Variants in STXBP5L observed in about 807,000 individuals in gnomAD.
STXBP5L encodes the protein syntaxin-binding protein 5-like.
A neutral mutation model predicts 144.5 loss-of-function variants in STXBP5L; 65 were observed. The observed-to-expected ratio is 0.45, with a 90% confidence interval of 0.37 to 0.55. STXBP5L has a LOEUF of 0.55. STXBP5L is among the 20% of genes least tolerant of loss of function. STXBP5L has a pLI of 0.00. For missense variants in STXBP5L, 1,298 were observed against 1,405.5 expected (o/e 0.92, Z 1.22); for synonymous variants, 505 against 469.6 (o/e 1.08, Z -0.97).
At chr3:121,197,085 G>A (rs956326459) in intron 9 of STXBP5L, among the ~76,000 whole-genome samples, 3 of 151,858 alleles carry the variant, frequency 2.0e-5, no homozygotes, top group Non-Finnish European at 4.4e-5. Flanking sequence ...GGAGTTTTTA[G>A]TATGTTATAT....
intron 20 of STXBP5L, among the ~76,000 whole-genome samples, chr3:121,349,333 C>T (rs201048285): frequency 1.3e-5 from 2 of 151,706 alleles, no homozygotes; most frequent in Non-Finnish European, 2.9e-5. Flanking sequence ...CAGTTTGTTA[C>T]AATTTCTGTT....
chr3:121,265,398 A>T (rs2050528405), intron 18 of STXBP5L, among the ~76,000 whole-genome samples: 1 of 152,214 alleles, frequency 6.6e-6, no homozygotes, highest in Non-Finnish European at 1.5e-5. Flanking sequence ...AAATTAACAC[A>T]GAAATAAATA....
chr3:121,081,709 C>T (rs569358336), intron 5 of STXBP5L, among the ~76,000 whole-genome samples: 1 of 152,174 alleles, frequency 6.6e-6, no homozygotes, highest in Non-Finnish European at 1.5e-5. Flanking sequence ...CCTGGCTAGG[C>T]ACTGGTTGTA....
At chr3:121,414,390 A>G (rs1236390510) in intron 24 of STXBP5L, among the ~76,000 whole-genome samples, 3 of 152,146 alleles carry the variant, frequency 2.0e-5, no homozygotes, top group Non-Finnish European at 4.4e-5. Flanking sequence ...GCTTTTTAAA[A>G]ATTTTGTGAC....
intron 7 of STXBP5L, among the ~76,000 whole-genome samples, chr3:121,144,275 A>G (rs755121233): frequency 6.6e-5 from 10 of 151,768 alleles, no homozygotes; most frequent in Non-Finnish European, 1.3e-4. Context: ...TTGGTATACT[A>G]TTGAACTTAA....
At chr3:120,991,937 T>G (rs910605578) in intron 3 of STXBP5L, among the ~76,000 whole-genome samples, 12 of 152,324 alleles carry the variant, frequency 7.9e-5, no homozygotes, top group Admixed American at 3.3e-4. Context: ...GTTGTGCAGA[T>G]GTACCCTAAA....
At chr3:120,991,870 G>C (rs9851456) in intron 3 of STXBP5L, among the ~76,000 whole-genome samples, 14,812 of 151,636 alleles carry the variant, frequency 0.098, 1,146 homozygotes, top group Admixed American at 0.2. Context: ...TAAATGACGA[G>C]TTAATGGGTG....
At chr3:121,344,521 A>G (rs1193452432) in intron 20 of STXBP5L, among the ~76,000 whole-genome samples, 1 of 152,132 alleles carries the variant, frequency 6.6e-6, no homozygotes, top group Non-Finnish European at 1.5e-5. Context: ...CCATGGTTAA[A>G]GGACAGGTGC....
intron 5 of STXBP5L, among the ~76,000 whole-genome samples, chr3:121,081,242 T>G (rs951467944): frequency 5.3e-5 from 8 of 152,156 alleles, no homozygotes. Flanking sequence ...TGGAAAATTT[T>G]TTATCCATAT....
chr3:121,353,094 T>G lies in STXBP5L; in HGVS notation c.2177-25622T>G, dbSNP rs1179557676. On this transcript the variant is annotated intron_variant, in intron 20 of 26. Transcript: ENST00000471454. ...CTGGATTCGGTTTGCCAGTATTTTA[T>G]TGAGGATTTTTGCATCCATGTTCGT... 1.3e-5 allele frequency among the ~76,000 whole-genome samples: 2 copies of G among 152,366 alleles called. 1 individual carries two copies. Among genetic ancestry groups the G allele is most frequent in the East Asian group, 3.8e-4 (2 of 5,196 alleles).
At chr3:120,966,291 A>G (rs1223995764) in intron 3 of STXBP5L, among the ~76,000 whole-genome samples, 1 of 152,156 alleles carries the variant, frequency 6.6e-6, no homozygotes, top group African/African-American at 2.4e-5. Flanking sequence ...TCAACTTGTC[A>G]AAGTCATTCT....
intron 2 of STXBP5L, among the ~76,000 whole-genome samples, chr3:120,935,402 G>T (rs1283199033): frequency 6.7e-6 from 1 of 149,404 alleles, no homozygotes; most frequent in African/African-American, 2.5e-5. Flanking sequence ...AAATCTGTTA[G>T]CTCAATTAAG....
chr3:121,371,056 G>A (rs1174974243), intron 20 of STXBP5L, among the ~76,000 whole-genome samples: 3 of 152,230 alleles, frequency 2.0e-5, no homozygotes, highest in Non-Finnish European at 4.4e-5. Flanking sequence ...GAGAACTAAT[G>A]TGGTAATTTG....
intron 20 of STXBP5L, among the ~76,000 whole-genome samples, chr3:121,322,476 CAAAAAAA>C (rs5852266): frequency 7.8e-6 from 1 of 128,482 alleles, no homozygotes; most frequent in African/African-American, 2.9e-5. Flanking sequence ...GAAACTGTGC[CAAAAAAA>C]AAAAAAAAAA....
At chr3:121,354,879 C>T (rs1467252374) in intron 20 of STXBP5L, among the ~76,000 whole-genome samples, 3 of 152,156 alleles carry the variant, frequency 2.0e-5, no homozygotes. Context: ...TCTTGTAAGG[C>T]AGGCTTGGTG....
intron 3 of STXBP5L, among the ~76,000 whole-genome samples, chr3:121,029,089 A>T (rs1484809023): frequency 1.3e-5 from 2 of 152,182 alleles, no homozygotes; most frequent in Non-Finnish European, 2.9e-5. Context: ...AATATCGTGC[A>T]AATGGCCATA....
At chr3:121,116,018 C>T (rs2044216885) in intron 6 of STXBP5L, among the ~76,000 whole-genome samples, 1 of 152,166 alleles carries the variant, frequency 6.6e-6, no homozygotes, top group South Asian at 2.1e-4. Flanking sequence ...CACTAGGCCC[C>T]ACCTTGAACA....
chr3:121,005,666 C>T (rs1438936932), intron 3 of STXBP5L, among the ~76,000 whole-genome samples: 2 of 152,142 alleles, frequency 1.3e-5, no homozygotes, highest in Non-Finnish European at 2.9e-5. Flanking sequence ...TTGGATCTTT[C>T]CTGCTTTCTC....
chr3:121,072,379 C>T (rs1219675636), intron 5 of STXBP5L, among the ~76,000 whole-genome samples: 1 of 152,236 alleles, frequency 6.6e-6, no homozygotes, highest in Non-Finnish European at 1.5e-5. Flanking sequence ...ACAAGCCAAG[C>T]ATTGCTCACA....
Sources: allele counts gnomAD v4.1 joint callset (sites outside exome capture counted in the v4.1 genomes callset), GRCh38; gene constraint gnomAD v4.1.1; transcripts MANE v1.5; gene names NCBI Gene and HGNC (gene_info 2026-07-23, HGNC 2026-07-21).